IGF1R: variants seen among roughly 807,000 people sequenced by gnomAD.
The protein encoded by IGF1R is insulin like growth factor 1 receptor.
In IGF1R, 44 loss-of-function variants were observed where a neutral mutation model predicts 144.6. The ratio of observed to expected loss-of-function variants is 0.30; its 90% CI spans 0.24 to 0.39. The LOEUF (loss-of-function observed/expected upper bound fraction) is 0.39. IGF1R is among the 10% of genes least tolerant of loss of function. The pLI is 1.00. For missense variants in IGF1R, 1,355 were observed against 1,833.7 expected, an observed-to-expected ratio of 0.74 and a Z score of 4.77; for synonymous variants, 795 against 722.8, an observed-to-expected ratio of 1.10 and a Z score of -1.60.
intron 2 of IGF1R, among the ~76,000 whole-genome samples, chr15:98,729,236 G>A (rs369463083): frequency 1.3e-5 from 2 of 152,214 alleles, no homozygotes; most frequent in Admixed American, 6.5e-5. Context: ...GGAAAAAGGT[G>A]TAGAGCATTA....
At chr15:98,918,413 T>A (rs920887415) in intron 10 of IGF1R, among the ~76,000 whole-genome samples, 1 of 152,196 alleles carries the variant, frequency 6.6e-6, no homozygotes, top group African/African-American at 2.4e-5. Flanking sequence ...TTTTTTTTTC[T>A]GCCAAGTGAC....
chr15:98,943,214 G>T (rs1020744645), intron 19 of IGF1R, among the ~76,000 whole-genome samples, 162 bp downstream of exon 19: 1 of 152,194 alleles, frequency 6.6e-6, no homozygotes, highest in Non-Finnish European at 1.5e-5. Flanking sequence ...AGGTGTTCCT[G>T]TTGTCAGTGG....
At chr15:98,878,298 C>A (rs1447934527) in intron 2 of IGF1R, among the ~76,000 whole-genome samples, 1 of 152,208 alleles carries the variant, frequency 6.6e-6, no homozygotes, top group Non-Finnish European at 1.5e-5. Flanking sequence ...GCCCACAATA[C>A]CTCACATAAC....
At chr15:98,705,848 A>G (rs1242737283) in intron 1 of IGF1R, among the ~76,000 whole-genome samples, 1 of 152,140 alleles carries the variant, frequency 6.6e-6, no homozygotes, top group Non-Finnish European at 1.5e-5. Flanking sequence ...GAAAGTTCTT[A>G]TCCCCACATG....
At chr15:98,697,547 G>A (rs1003872143) in intron 1 of IGF1R, among the ~76,000 whole-genome samples, 10 of 151,830 alleles carry the variant, frequency 6.6e-5, no homozygotes, top group Non-Finnish European at 1.2e-4. Context: ...GGCCTGGCCT[G>A]TGTGTGCTGT....
intron 10 of IGF1R, 58 bp downstream of exon 10, chr15:98,916,934 T>TG (rs770743733): frequency 6.9e-7 from 1 of 1,456,902 alleles, no homozygotes; most frequent in Non-Finnish European, 9.6e-7. Flanking sequence ...CCGGTTCTGT[T>TG]GCCTTTCTCC....
At chr15:98,888,214 G>A (rs1349115360) in intron 2 of IGF1R, among the ~76,000 whole-genome samples, 44 of 152,150 alleles carry the variant, frequency 2.9e-4, no homozygotes, top group Admixed American at 2.9e-3. Context: ...CTGATCCTGC[G>A]TGCATCTGTC....
chr15:98,772,746 T>G (rs929378559), intron 2 of IGF1R, among the ~76,000 whole-genome samples: 1 of 151,882 alleles, frequency 6.6e-6, no homozygotes, highest in Non-Finnish European at 1.5e-5. Context: ...GGTCACTTTT[T>G]TTTTTTCCTT....
chr15:98,683,524 T>C (rs888939283), intron 1 of IGF1R, among the ~76,000 whole-genome samples: 2 of 152,230 alleles, frequency 1.3e-5, no homozygotes, highest in Non-Finnish European at 2.9e-5. Context: ...CGTTGGTTTT[T>C]AAGGGATGAG....
At chr15:98,942,277 T>C (rs1055416132) in intron 18 of IGF1R, among the ~76,000 whole-genome samples, 10 of 152,208 alleles carry the variant, frequency 6.6e-5, no homozygotes, top group African/African-American at 2.4e-4. Flanking sequence ...CAGTGGTCTC[T>C]GCAGTACTAT....
chr15:98,786,762 C>G (rs2056007604), intron 2 of IGF1R, among the ~76,000 whole-genome samples: 1 of 152,172 alleles, frequency 6.6e-6, no homozygotes, highest in Non-Finnish European at 1.5e-5. Flanking sequence ...TGGCCAATAA[C>G]TGGGCCAGTG....
intron 2 of IGF1R, among the ~76,000 whole-genome samples, chr15:98,751,802 T>C (rs1245729448): frequency 1.3e-5 from 2 of 152,194 alleles, no homozygotes; most frequent in Non-Finnish European, 2.9e-5. Flanking sequence ...ACATTGTCTT[T>C]GGGAGAAGCT....
chr15:98,853,458 G>A (rs76042640), intron 2 of IGF1R, among the ~76,000 whole-genome samples: 6,360 of 152,282 alleles, frequency 0.042, 176 homozygotes, highest in Middle Eastern at 0.068. Flanking sequence ...CAGGCAAAAT[G>A]GCAAAATACA....
chr15:98,910,229 C>T (rs978232946), intron 6 of IGF1R, among the ~76,000 whole-genome samples: 1 of 152,200 alleles, frequency 6.6e-6, no homozygotes, highest in African/African-American at 2.4e-5. Flanking sequence ...TGCAAAGCCC[C>T]TGCCTTGCTC....
At chr15:98,952,017 A>G (rs1284024150) in intron 20 of IGF1R, among the ~76,000 whole-genome samples, 1 of 152,216 alleles carries the variant, frequency 6.6e-6, no homozygotes, top group Non-Finnish European at 1.5e-5. Flanking sequence ...TTAGCCATTT[A>G]CATGAAAACC....
At chr15:98,725,170 T>C (rs2054328466) in intron 2 of IGF1R, among the ~76,000 whole-genome samples, 1 of 152,204 alleles carries the variant, frequency 6.6e-6, no homozygotes, top group Admixed American at 6.5e-5. Flanking sequence ...TTCGTGCAGT[T>C]TGCTGCACTA....
rs181339639 is a variant in IGF1R at position 98,744,258 on chromosome 15, G to A, written c.640+36151G>A. On this transcript the variant is annotated intron_variant, in intron 2 of 20. Transcript: ENST00000650285. ...CTCCAGCACAGCGAGGAAAGCATGC[G>A]AGTGTGATGGCCAGGCTTCCAGGGA... 1.2e-4 allele frequency among the ~76,000 whole-genome samples: 19 copies of A among 152,122 alleles called. 1 individual carries two copies. The East Asian group carries it at 2.7e-3, about 22-fold the overall frequency.
At chr15:98,839,633 A>G (rs1417108661) in intron 2 of IGF1R, among the ~76,000 whole-genome samples, 1 of 152,210 alleles carries the variant, frequency 6.6e-6, no homozygotes, top group African/African-American at 2.4e-5. Flanking sequence ...CAAGAACAGT[A>G]CCCTGGATGG....
chr15:98,790,602 T>G (rs1458926063), intron 2 of IGF1R, among the ~76,000 whole-genome samples: 1 of 152,128 alleles, frequency 6.6e-6, no homozygotes, highest in African/African-American at 2.4e-5. Context: ...ACCTGCTCCA[T>G]GGTCTCTTCC....
Sources: gnomAD v4.1 joint callset for allele counts (sites outside exome capture counted in the v4.1 genomes callset) on GRCh38, gnomAD v4.1.1 for gene constraint, MANE v1.5 for transcripts, NCBI Gene and HGNC (gene_info 2026-07-23, HGNC 2026-07-21) for gene names.